DNMT3B: variants seen among roughly 807,000 people sequenced by gnomAD.
The protein encoded by DNMT3B is DNA (cytosine-5)-methyltransferase 3B.
A neutral mutation model predicts 120.2 loss-of-function variants in DNMT3B; 37 were observed. The ratio of observed to expected loss-of-function variants is 0.31; its 90% CI spans 0.24 to 0.40. DNMT3B has a LOEUF of 0.40. DNMT3B is among the 10% of genes least tolerant of loss of function. The probability of loss-of-function intolerance (pLI) is 1.00; values close to 1 mark genes in which losing one functional copy is unlikely to be tolerated. For missense variants in DNMT3B, 878 were observed against 1,137.3 expected (o/e 0.77, Z 3.28); for synonymous variants, 412 against 442.8 (o/e 0.93, Z 0.87).
chr20:32,765,737 T>A (rs1987304524), intron 1 of DNMT3B, among the ~76,000 whole-genome samples: 1 of 145,510 alleles, frequency 6.9e-6, no homozygotes, highest in Admixed American at 6.8e-5. Context: ...ATTTATTTAT[T>A]TATTTATTTT....
chr20:32,792,297 G>A (rs750144998), intron 8 of DNMT3B, among the ~76,000 whole-genome samples: 5 of 152,200 alleles, frequency 3.3e-5, no homozygotes, highest in Admixed American at 2.6e-4. Flanking sequence ...AGATGAGATA[G>A]TGCTGGCTGG....
chr20:32,795,327 C>G lies in DNMT3B; in HGVS notation c.1127-82C>G, dbSNP rs555019047. Reference sequence around the variant, plus strand: ...GCCCCAATTGCAGCTGGTACCCAGGCATAGCATGGTCTTGTCCTGGGCCCG... The same window carrying G: ...GCCCCAATTGCAGCTGGTACCCAGGGATAGCATGGTCTTGTCCTGGGCCCG... On this transcript the variant is annotated intron_variant, in intron 10 of 22. Coordinates refer to ENST00000328111, the MANE Select transcript of DNMT3B (RefSeq NM_006892.4). 16 of 1,603,526 alleles carry G rather than the reference C, an allele frequency of 1.0e-5. No homozygotes were observed. In the African/African-American group the frequency reaches 1.5e-4, roughly 15 times the overall value.
At position 32,805,226 on chromosome 20, in the gene DNMT3B, C is replaced by G. The variant is rs116749344; in HGVS notation, c.2232-112C>G. The G allele has an allele frequency of 2.3e-6, 3 of 1,316,152 alleles. No individual in the cohort carries two copies. The Admixed American group carries it at 5.1e-5, about 22-fold the overall frequency. The allele number at this position is 1,316,152 out of a possible 1,614,324, so 81.5% of individuals were successfully genotyped here. A position where few individuals can be genotyped will look rare whatever the true frequency, so the allele number is the denominator to read the frequency against. On this transcript the variant is annotated intron_variant, in intron 20 of 22. Transcript: ENST00000328111. ...GATCATTTTCATCATTTATTTGTAGCCAAGTTCACTGCCAGGGCACATCTC... is the reference window on the plus strand; with the variant it reads ...GATCATTTTCATCATTTATTTGTAGGCAAGTTCACTGCCAGGGCACATCTC...
chr20:32,804,586 A>G (rs1981749068), intron 20 of DNMT3B, among the ~76,000 whole-genome samples: 1 of 150,994 alleles, frequency 6.6e-6, no homozygotes, highest in African/African-American at 2.4e-5. Context: ...CTGCTCAACT[A>G]CTTTCAGTTC....
intron 1 of DNMT3B, among the ~76,000 whole-genome samples, chr20:32,778,071 G>A (rs1263940377): frequency 6.6e-6 from 1 of 152,220 alleles, no homozygotes; most frequent in African/African-American, 2.4e-5. Flanking sequence ...GGGTGTGGTG[G>A]CTCACGCCTG....
At chr20:32,805,587 T>C (rs944252001) in intron 21 of DNMT3B, among the ~76,000 whole-genome samples, 180 bp downstream of exon 21, 1 of 152,080 alleles carries the variant, frequency 6.6e-6, no homozygotes, top group Non-Finnish European at 1.5e-5. Context: ...CTAGGAGACA[T>C]TCGTGATAAG....
In DNMT3B at chr20:32,762,532, G is replaced by T. The variant is rs1365741815; in HGVS notation, c.-174G>T. 3.0e-6 allele frequency: 1 copy of T among 330,316 alleles called. No individual in the cohort carries two copies. Among genetic ancestry groups the T allele is most frequent in the South Asian group, 2.3e-5 (1 of 43,526 alleles). 20.5% of individuals were successfully genotyped at this position (330,316 alleles called of 1,614,324 possible). ...GGTCGGGCGAGCGGGCGGCAACGCT[G>T]CCCGGCCGGCAGCGCTGGGGTTAAG... On this transcript the variant is annotated 5_prime_UTR_variant, in exon 1 of 23. Coordinates refer to ENST00000328111, the MANE Select transcript of DNMT3B (RefSeq NM_006892.4).
chr20:32,805,483 TTTGA>T (rs1981868270), intron 21 of DNMT3B, 76 bp downstream of exon 21: 5 of 1,571,996 alleles, frequency 3.2e-6, no homozygotes, highest in South Asian at 1.1e-5. Context: ...GACCTTGGTG[TTTGA>T]TTGGTTCCTA....
At chr20:32,766,358 A>G (rs1385451380) in intron 1 of DNMT3B, among the ~76,000 whole-genome samples, 1 of 151,668 alleles carries the variant, frequency 6.6e-6, no homozygotes, top group Non-Finnish European at 1.5e-5. Context: ...GTATATATCT[A>G]CGTAGATATA....
chr20:32,791,350 C>A (rs1979953266), intron 7 of DNMT3B, among the ~76,000 whole-genome samples: 1 of 152,178 alleles, frequency 6.6e-6, no homozygotes, highest in Non-Finnish European at 1.5e-5. Flanking sequence ...TTCAGAGTAT[C>A]CTCCTTTTCC....
rs76661393 is a variant in DNMT3B at position 32,800,136 on chromosome 20, C to T, written c.1760-17C>T. 4.4e-3 allele frequency: 7,083 copies of T among 1,614,136 alleles called. 264 individuals are homozygous for T. The African/African-American group carries it at 0.079, about 18-fold the overall frequency. Reference sequence around the variant, plus strand: ...CTCAGCATCATTTATGCTTCTGTGTCTCTCTGGCCCCCACAGGCTACCTAG... The same window carrying T: ...CTCAGCATCATTTATGCTTCTGTGTTTCTCTGGCCCCCACAGGCTACCTAG... On this transcript the variant is annotated splice_polypyrimidine_tract_variant and intron_variant, in intron 16 of 22. Transcript: ENST00000328111.
intron 4 of DNMT3B, among the ~76,000 whole-genome samples, chr20:32,785,895 T>C (rs1185975838): frequency 6.7e-6 from 1 of 149,012 alleles, no homozygotes; most frequent in African/African-American, 2.6e-5. Context: ...TTTTTTTCTT[T>C]TTTTTTGAGA....
chr20:32,771,969 G>A (rs1440559246), intron 1 of DNMT3B, among the ~76,000 whole-genome samples: 1 of 152,218 alleles, frequency 6.6e-6, no homozygotes, highest in Non-Finnish European at 1.5e-5. Flanking sequence ...AGTTAGAGAA[G>A]AAATGCTGCA....
chr20:32,801,193 T>G, intron 18 of DNMT3B, 85 bp from the exon 19 acceptor site: 1 of 1,600,582 alleles, frequency 6.2e-7, no homozygotes, highest in South Asian at 1.1e-5. Flanking sequence ...AGGAGGCCAT[T>G]GGGAACCTGC....
At chr20:32,787,724 C>T (rs936954387) in intron 6 of DNMT3B, among the ~76,000 whole-genome samples, 2 of 152,154 alleles carry the variant, frequency 1.3e-5, no homozygotes, top group African/African-American at 4.8e-5. Flanking sequence ...ACTGCAACTG[C>T]GTACGTTATA....
intron 6 of DNMT3B, 75 bp from the exon 7 acceptor site, chr20:32,788,779 G>T: frequency 1.9e-6 from 3 of 1,591,546 alleles, no homozygotes; most frequent in Non-Finnish European, 2.6e-6. Flanking sequence ...TGCCCTCAGG[G>T]ACAGTGGAGT....
chr20:32,797,087 G>A lies in DNMT3B; in HGVS notation c.1378-100G>A, dbSNP rs1377915307. On this transcript the variant is annotated intron_variant, in intron 13 of 22. Coordinates refer to ENST00000328111, the MANE Select transcript of DNMT3B (RefSeq NM_006892.4). ...TTTAAAGGACACCAAGCCACCAGCA[G>A]TGTGTTCTGCAGCTGTATCCTAGGG... The A allele has an allele frequency of 8.7e-6, 14 of 1,605,214 alleles. No homozygotes were observed. In the East Asian group the frequency reaches 8.9e-5, roughly 10 times the overall value.
At chr20:32,803,197 A>G (rs1453715564) in intron 20 of DNMT3B, among the ~76,000 whole-genome samples, 1 of 152,272 alleles carries the variant, frequency 6.6e-6, no homozygotes, top group African/African-American at 2.4e-5. Context: ...GCCACAAAGC[A>G]GCTTTGCTGA....
At chr20:32,801,756 T>A (rs955673899) in intron 19 of DNMT3B, among the ~76,000 whole-genome samples, 2 of 152,090 alleles carry the variant, frequency 1.3e-5, no homozygotes, top group African/African-American at 4.8e-5. Flanking sequence ...AGCCAATTTT[T>A]GTATTTTTGG....
Sources: allele counts gnomAD v4.1 joint callset (sites outside exome capture counted in the v4.1 genomes callset), GRCh38; gene constraint gnomAD v4.1.1; transcripts MANE v1.5; gene names NCBI Gene and HGNC (gene_info 2026-07-23, HGNC 2026-07-21).